ZNF704: variants seen among roughly 807,000 people sequenced by gnomAD.
The protein encoded by ZNF704 is glucocorticoid induced gene 1.
ZNF704 carries 10 observed loss-of-function variants against 44.7 expected under a neutral mutation model. The ratio of observed to expected loss-of-function variants is 0.22; its 90% CI spans 0.14 to 0.38. The LOEUF (loss-of-function observed/expected upper bound fraction) is 0.38. Among genes scored for constraint, ZNF704 ranks in the 10% least tolerant of loss-of-function variants. The pLI is 1.00. For missense variants in ZNF704, 390 were observed against 545.5 expected, an observed-to-expected ratio of 0.71 and a Z score of 2.84; for synonymous variants, 211 against 207.6, an observed-to-expected ratio of 1.02 and a Z score of -0.14.
intron 2 of ZNF704, among the ~76,000 whole-genome samples, chr8:80,806,909 T>C (rs1291069184): frequency 6.6e-6 from 1 of 152,218 alleles, no homozygotes; most frequent in Admixed American, 6.5e-5. Flanking sequence ...ATACCATATA[T>C]ACACAAAGAA....
intron 2 of ZNF704, chr8:80,694,079 T>G (rs1044418835): frequency 1.3e-5 from 2 of 152,302 alleles, no homozygotes; most frequent in African/African-American, 4.8e-5. Flanking sequence ...GGCTGTCAGG[T>G]GTTGGCTGAA....
chr8:80,829,879 A>G (rs1392063088), intron 1 of ZNF704, among the ~76,000 whole-genome samples: 2 of 152,212 alleles, frequency 1.3e-5, no homozygotes, highest in African/African-American at 2.4e-5. Context: ...ATGATCAAAA[A>G]GGACCAAAAT....
intron 1 of ZNF704, among the ~76,000 whole-genome samples, chr8:80,851,220 C>A (rs1030232349): frequency 5.3e-5 from 8 of 152,018 alleles, no homozygotes; most frequent in Non-Finnish European, 1.0e-4. Flanking sequence ...CCCATTACTG[C>A]GTATATACCC....
intron 2 of ZNF704, among the ~76,000 whole-genome samples, chr8:80,787,192 C>A (rs1807628952): frequency 6.6e-6 from 1 of 152,180 alleles, no homozygotes; most frequent in Admixed American, 6.5e-5. Context: ...ATCTGGGATA[C>A]CATCCAAGGA....
intron 1 of ZNF704, among the ~76,000 whole-genome samples, chr8:80,823,343 C>G (rs751090571): frequency 1.3e-5 from 2 of 152,208 alleles, no homozygotes; most frequent in Non-Finnish European, 2.9e-5. Flanking sequence ...AGTCTGAGAT[C>G]AAACTGCAAG....
chr8:80,691,667 G>A (rs1818637622), intron 3 of ZNF704, among the ~76,000 whole-genome samples: 1 of 152,008 alleles, frequency 6.6e-6, no homozygotes, highest in South Asian at 2.1e-4. Context: ...GCTTCCAAAT[G>A]TTGCCTTCTA....
chr8:80,788,189 CA>C (rs1807646136), intron 2 of ZNF704, among the ~76,000 whole-genome samples: 1 of 151,918 alleles, frequency 6.6e-6, no homozygotes, highest in East Asian at 1.9e-4. Flanking sequence ...AAGGTAAAAC[CA>C]ACAGAATAAA....
chr8:80,829,539 T>C (rs777689397), intron 1 of ZNF704, among the ~76,000 whole-genome samples: 1 of 152,166 alleles, frequency 6.6e-6, no homozygotes, highest in African/African-American at 2.4e-5. Context: ...ATTGATTAAA[T>C]GAATTCTATC....
rs765083757 is a variant in ZNF704, at chr8:80,664,875, C to T, written c.867G>A (p.Thr289=). The T allele has an allele frequency of 2.3e-5, 37 of 1,614,054 alleles. No individual in the cohort carries two copies. The highest frequency in any genetic ancestry group is 4.4e-5 in the South Asian group (4 of 91,090). ...TGGTGGGAGCTGAGCGGCTCAACGG[C>T]GTCATCAACTTAGTCTCCGTTTTGG... ...PCAKTETKLM[T]PLSRSAPTTL... The change falls in exon 6 of 9, where the codon ACG becomes ACA. Residue 289 remains threonine (T), a synonymous_variant. Transcript: ENST00000327835.
rs1167093772 is a variant in ZNF704 at position 80,762,939 on chromosome 8, T to G, written c.221+58435A>C. On this transcript the variant is annotated intron_variant, in intron 2 of 8. Transcript: ENST00000327835. ...GGCCCCATGTAAGTCCAAAATCCAG[T>G]GGGGCAGTTATTAAATCTTAAAGCT... is the stretch of plus-strand genomic sequence containing the variant. 2.0e-5 allele frequency among the ~76,000 whole-genome samples: 3 copies of G among 152,220 alleles called. No homozygotes were observed. The East Asian group carries it at 5.8e-4, about 29-fold the overall frequency.
intron 4 of ZNF704, among the ~76,000 whole-genome samples, chr8:80,678,397 C>G (rs1818403170): frequency 6.6e-6 from 1 of 152,138 alleles, no homozygotes; most frequent in Admixed American, 6.5e-5. Context: ...ATTTATTATC[C>G]CATTTTAGTC....
At chr8:80,754,016 G>T (rs1229528769) in intron 2 of ZNF704, among the ~76,000 whole-genome samples, 1 of 152,090 alleles carries the variant, frequency 6.6e-6, no homozygotes, top group Non-Finnish European at 1.5e-5. Context: ...GCAAGCAGCT[G>T]CCAGTCTTAC....
intron 2 of ZNF704, among the ~76,000 whole-genome samples, chr8:80,814,669 TA>T (rs1808146328): frequency 3.9e-5 from 6 of 152,340 alleles, no homozygotes; most frequent in African/African-American, 1.4e-4. Flanking sequence ...CCTCAAAATC[TA>T]TTTTTTAAAA....
At chr8:80,762,480 TC>T (rs370702127) in intron 2 of ZNF704, among the ~76,000 whole-genome samples, 2 of 152,176 alleles carry the variant, frequency 1.3e-5, no homozygotes, top group Admixed American at 6.5e-5. Context: ...TATAAAACCA[TC>T]AGATCTCATG....
chr8:80,666,080 C>T (rs535602892), intron 5 of ZNF704, among the ~76,000 whole-genome samples: 1 of 151,858 alleles, frequency 6.6e-6, no homozygotes, highest in South Asian at 2.1e-4. Context: ...CGTCATCTAG[C>T]ATTAGGTATA....
At chr8:80,787,208 G>C (rs1412332824) in intron 2 of ZNF704, among the ~76,000 whole-genome samples, 3 of 152,192 alleles carry the variant, frequency 2.0e-5, no homozygotes, top group African/African-American at 7.2e-5. Flanking sequence ...AAGGAAATCA[G>C]GCAATTCAGA....
At chr8:80,817,185 C>A (rs137954872) in intron 2 of ZNF704, among the ~76,000 whole-genome samples, 2 of 152,252 alleles carry the variant, frequency 1.3e-5, no homozygotes, top group Non-Finnish European at 2.9e-5. Context: ...CAGCCTAGGG[C>A]ACTTTTAATA....
intron 2 of ZNF704, among the ~76,000 whole-genome samples, chr8:80,819,610 G>C (rs1808234922): frequency 6.6e-6 from 1 of 150,506 alleles, no homozygotes; most frequent in Non-Finnish European, 1.5e-5. Flanking sequence ...AGTTTCCTAT[G>C]AGACAACCAA....
chr8:80,854,856 T>C (rs1808930959), intron 1 of ZNF704, among the ~76,000 whole-genome samples: 2 of 152,324 alleles, frequency 1.3e-5, no homozygotes, highest in South Asian at 2.1e-4. Context: ...TTGACTATTA[T>C]TTTTAATTTT....
Sources: gnomAD v4.1 joint callset for allele counts (sites outside exome capture counted in the v4.1 genomes callset) on GRCh38, gnomAD v4.1.1 for gene constraint, MANE v1.5 for transcripts, NCBI Gene and HGNC (gene_info 2026-07-23, HGNC 2026-07-21) for gene names.